Variants in RREB1 observed in about 807,000 individuals in gnomAD.
The protein encoded by RREB1 is ras responsive element binding protein 1.
A neutral mutation model predicts 117.8 loss-of-function variants in RREB1; 27 were observed. The observed-to-expected ratio is 0.23, with a 90% CI of 0.17 to 0.32. RREB1 has a LOEUF of 0.32. Ranked by LOEUF, RREB1 falls within the 10% of genes least tolerant of loss-of-function variation. The pLI is 1.00. For missense variants in RREB1, 2,577 were observed against 2,378.2 expected (o/e 1.08, Z -1.74); for synonymous variants, 1,298 against 1,026.7 (o/e 1.26, Z -5.05).
intron 1 of RREB1, among the ~76,000 whole-genome samples, chr6:7,161,944 G>A (rs542005960): frequency 2.0e-5 from 3 of 152,140 alleles, no homozygotes; most frequent in Non-Finnish European, 2.9e-5. Context: ...TTATTTCATC[G>A]TGGGCTTTAA....
At position 7,229,673 on chromosome 6, in the gene RREB1, C is replaced by T. The variant is rs776373767; in HGVS notation, c.1574C>T (p.Pro525Leu). 8 of 1,611,850 alleles carry T rather than the reference C, an allele frequency of 5.0e-6. No homozygotes were observed. Among genetic ancestry groups the T allele is most frequent in the Admixed American group, 1.7e-5 (1 of 59,900 alleles). ...ACGGTGGTGGCCACCTCCACGCCCC[C>T]GCCTCTCATCAACGCCCAGCAGGCT... ...PRTVVATSTPPPLINAQQASP... is the reference protein window; with the variant it reads ...PRTVVATSTPLPLINAQQASP... The change falls in exon 10 of 13, where the codon CCG (proline) becomes CTG (leucine). Residue 525 changes from proline to leucine, a missense_variant. Physicochemically the swap from Pro to Leu is moderately conservative, Grantham distance 98. Coordinates refer to ENST00000379938, the MANE Select transcript of RREB1 (RefSeq NM_001003699.4). The surrounding 1 kb of genome is among the most constrained non-coding windows in gnomAD (Gnocchi z 4.5).
rs776014127 is a variant in RREB1 at position 7,231,390 on chromosome 6, C to T, written c.3291C>T (p.Asn1097=). The change falls in exon 10 of 13, where the codon AAC becomes AAT. Residue 1097 remains asparagine (N), a synonymous_variant. Coordinates refer to ENST00000379938, the MANE Select transcript of RREB1 (RefSeq NM_001003699.4). ...ADPGPASTGS[N]TTASDSLGGS... Reference sequence around the variant, plus strand: ...CAGGGCCCGCAAGCACTGGCAGTAACACCACGGCTTCAGACAGCTTAGGAG... The same window carrying T: ...CAGGGCCCGCAAGCACTGGCAGTAATACCACGGCTTCAGACAGCTTAGGAG... 5 of 1,613,504 alleles carry T rather than the reference C, an allele frequency of 3.1e-6. No individual in the cohort carries two copies. Among genetic ancestry groups the T allele is most frequent in the East Asian group, 2.2e-5 (1 of 44,886 alleles).
At chr6:7,109,317 C>T (rs906081386) in intron 1 of RREB1, among the ~76,000 whole-genome samples, 6 of 152,084 alleles carry the variant, frequency 3.9e-5, no homozygotes, top group African/African-American at 1.4e-4. Flanking sequence ...TCCCCGCTCG[C>T]GGTCTCTTAG....
At chr6:7,236,232 T>C (rs1768305326) in intron 10 of RREB1, among the ~76,000 whole-genome samples, 1 of 152,166 alleles carries the variant, frequency 6.6e-6, no homozygotes, top group Middle Eastern at 3.2e-3. Context: ...TTCTTCCCCC[T>C]TCCCTTTGCT....
chr6:7,232,300 A>G (rs1270663526), intron 10 of RREB1, among the ~76,000 whole-genome samples: 2 of 152,244 alleles, frequency 1.3e-5, no homozygotes, highest in African/African-American at 4.8e-5. Flanking sequence ...GTATTGGGGC[A>G]TAATGAGCTC....
intron 1 of RREB1, among the ~76,000 whole-genome samples, chr6:7,125,310 G>A (rs1222813122): frequency 6.6e-6 from 1 of 152,212 alleles, no homozygotes; most frequent in Non-Finnish European, 1.5e-5. Flanking sequence ...TGCCAAGTAT[G>A]GAATTGTCAC....
chr6:7,189,351 G>C (rs758397472), intron 6 of RREB1, 29 bp downstream of exon 6: 7 of 1,543,350 alleles, frequency 4.5e-6, no homozygotes, highest in Non-Finnish European at 6.1e-6. Flanking sequence ...TGCTTGGGGG[G>C]TTGGCTGGTA....
chr6:7,236,721 G>A lies in RREB1; in HGVS notation c.3809-3717G>A, dbSNP rs972563278. ...TTGTCTTTGAAAAATGAACAGAAAT[G>A]TTTTCAGTTCTGTTTTTTTTTTTTT... On this transcript the variant is annotated intron_variant, in intron 10 of 12. Transcript: ENST00000379938. 3.4e-5 allele frequency among the ~76,000 whole-genome samples: 5 copies of A among 148,930 alleles called. No individual in the cohort carries two copies. The South Asian group carries it at 1.1e-3, about 31-fold the overall frequency.
At position 7,230,716 on chromosome 6, in the gene RREB1, G is replaced by A. The variant is rs1184550320; in HGVS notation, c.2617G>A (p.Gly873Ser). 5.6e-6 allele frequency: 9 copies of A among 1,596,966 alleles called. No individual in the cohort carries two copies. The highest frequency in any genetic ancestry group is 1.1e-5 in the South Asian group (1 of 88,558). Reference protein sequence around the residue: ...LEPQNGFLHRGPTQPPPPHVS... With the variant: ...LEPQNGFLHRSPTQPPPPHVS... ...ACCCCAGAACGGCTTTCTTCACAGG[G>A]GCCCCACCCAGCCTCCACCTCCCCA... Residue 873 changes from glycine (G) to serine (S), a missense_variant, in exon 10 of 13, where the codon GGC becomes AGC. Transcript: ENST00000379938.
At chr6:7,128,928 C>T (rs1028678827) in intron 1 of RREB1, among the ~76,000 whole-genome samples, 4 of 152,162 alleles carry the variant, frequency 2.6e-5, no homozygotes, top group African/African-American at 9.7e-5. Context: ...GAGATTGGGC[C>T]ACTGCACTCC....
intron 1 of RREB1, among the ~76,000 whole-genome samples, chr6:7,125,084 A>G (rs1761851099): frequency 6.6e-6 from 1 of 152,234 alleles, no homozygotes; most frequent in Non-Finnish European, 1.5e-5. Context: ...TCTAGCTGGT[A>G]TTTGACAACA....
chr6:7,248,957 G>A lies in RREB1; in HGVS notation c.5218G>A (p.Gly1740Arg), dbSNP rs1226201817. The change falls in exon 13 of 13, where the codon GGG becomes AGG. Residue 1740 changes from glycine to arginine, a missense_variant. Coordinates refer to ENST00000379938, the MANE Select transcript of RREB1 (RefSeq NM_001003699.4). Reference sequence around the variant, plus strand: ...AGCTGATGGCGCCTCCCAGCTCGTGGGGATGGAGTGACAGCCTCAGTCCCC... The same window carrying A: ...AGCTGATGGCGCCTCCCAGCTCGTGAGGATGGAGTGACAGCCTCAGTCCCC... ...ATADGASQLV[G>R]ME The A allele has an allele frequency of 1.3e-6, 2 of 1,481,856 alleles. No homozygotes were observed. Among genetic ancestry groups the A allele is most frequent in the Non-Finnish European group, 1.8e-6 (2 of 1,119,766 alleles). 91.8% of individuals were successfully genotyped at this position (1,481,856 alleles called of 1,614,324 possible).
intron 6 of RREB1, among the ~76,000 whole-genome samples, chr6:7,194,322 G>A (rs1403151551): frequency 6.6e-6 from 1 of 152,162 alleles, no homozygotes; most frequent in Non-Finnish European, 1.5e-5. Context: ...GGTTGAGGCA[G>A]GCCCATCACT....
intron 1 of RREB1, among the ~76,000 whole-genome samples, chr6:7,149,990 G>T (rs950167562): frequency 6.8e-6 from 1 of 146,018 alleles, no homozygotes; most frequent in African/African-American, 2.6e-5. Context: ...CGCCTGGCCT[G>T]GTTGGTTTTT....
At chr6:7,150,392 A>C (rs1763063119) in intron 1 of RREB1, among the ~76,000 whole-genome samples, 2 of 152,196 alleles carry the variant, frequency 1.3e-5, no homozygotes, top group African/African-American at 4.8e-5. Flanking sequence ...TCTGTTCCTG[A>C]TTCAGATAGG....
chr6:7,173,656 G>A (rs1044414766), intron 1 of RREB1, among the ~76,000 whole-genome samples: 2 of 152,036 alleles, frequency 1.3e-5, no homozygotes, highest in Non-Finnish European at 2.9e-5. Context: ...AACTAAAAAT[G>A]CAAAAATTAA....
chr6:7,187,454 T>G lies in RREB1; in HGVS notation c.192T>G (p.Ser64=). The change falls in exon 5 of 13, where the codon TCT becomes TCG. Residue 64 remains serine (S), a synonymous_variant. Coordinates refer to ENST00000379938, the MANE Select transcript of RREB1 (RefSeq NM_001003699.4). ...RRNQETKEEK[S]SYNCPLCEKI... ...TTTAGGAAACGAAAGAGGAGAAGTC[T>G]TCCTATAACTGCCCCCTGTGTGAGA... 6.2e-7 allele frequency: 1 copy of G among 1,604,098 alleles called. No individual in the cohort carries two copies. Among genetic ancestry groups the G allele is most frequent in the Non-Finnish European group, 8.5e-7 (1 of 1,172,890 alleles).
Position 7,231,246 on chromosome 6 carries a change from C to T in RREB1, c.3147C>T (p.Pro1049=), listed in dbSNP as rs757905525. ...TGCTGCGTCCACTGCGGCCCAAGCC[C>T]CCGCTGCTTTTGCCAAAGCCCCCCG... ...TALLRPLRPK[P]PLLLPKPPVT... Residue 1049 remains proline, a synonymous_variant, in exon 10 of 13, where the codon CCC becomes CCT. Coordinates refer to ENST00000379938, the MANE Select transcript of RREB1 (RefSeq NM_001003699.4). The T allele has an allele frequency of 6.2e-6, 10 of 1,612,664 alleles. No individual in the cohort carries two copies. In the Middle Eastern group the frequency reaches 8.2e-4, roughly 133 times the overall value.
intron 1 of RREB1, among the ~76,000 whole-genome samples, chr6:7,168,165 G>A (rs1454573856): frequency 6.9e-6 from 1 of 144,714 alleles, no homozygotes; most frequent in Non-Finnish European, 1.5e-5. Flanking sequence ...TGAGGCAGGA[G>A]AATCACTTGA....
Sources: allele counts gnomAD v4.1 joint callset (sites outside exome capture counted in the v4.1 genomes callset), GRCh38; gene constraint gnomAD v4.1.1; non-coding constraint Gnocchi (gnomAD v3.1); transcripts MANE v1.5; gene names NCBI Gene and HGNC (gene_info 2026-07-23, HGNC 2026-07-21).